Variants in SNRNP48 observed in about 807,000 individuals in gnomAD.
The protein encoded by SNRNP48 is U11/U12 small nuclear ribonucleoprotein 48 kDa protein.
In SNRNP48, 43 loss-of-function variants were observed where a neutral mutation model predicts 47.0. The ratio of observed to expected loss-of-function variants is 0.92; its 90% CI spans 0.72 to 1.18. The LOEUF is 1.18. Among genes scored for constraint, SNRNP48 ranks in the 50% most tolerant of loss-of-function variants. SNRNP48 has a pLI of 0.00. For missense variants in SNRNP48, 396 were observed against 422.2 expected, an observed-to-expected ratio of 0.94 and a Z score of 0.54; for synonymous variants, 138 against 144.0, an observed-to-expected ratio of 0.96 and a Z score of 0.30.
rs753897259 is a variant in SNRNP48 at position 7,599,675 on chromosome 6, A to G, written c.407-1661A>G. 1.1e-5 allele frequency: 14 copies of G among 1,282,400 alleles called. No individual in the cohort carries two copies. In the South Asian group the frequency reaches 1.8e-4, roughly 16 times the overall value. The allele number at this position is 1,282,400 out of a possible 1,614,324, so 79.4% of individuals were successfully genotyped here. A position where few individuals can be genotyped will look rare whatever the true frequency, so the allele number is the denominator to read the frequency against. On this transcript the variant is annotated intron_variant, in intron 4 of 8. Transcript: ENST00000342415. ...TTCCTGTACTTTTTCTTTTTCAGTAATTGGGGTGAGTATAAAGAGGAATTA... is the reference window on the plus strand; with the variant it reads ...TTCCTGTACTTTTTCTTTTTCAGTAGTTGGGGTGAGTATAAAGAGGAATTA...
chr6:7,599,759 C>A (rs1379592191), intron 4 of SNRNP48: 1 of 1,271,140 alleles, frequency 7.9e-7, no homozygotes, highest in Non-Finnish European at 1.0e-6. Context: ...AAATGATATC[C>A]TTTTAAAAGT....
intron 4 of SNRNP48, among the ~76,000 whole-genome samples, chr6:7,598,659 T>A (rs1759953829): frequency 6.6e-6 from 1 of 152,228 alleles, no homozygotes; most frequent in African/African-American, 2.4e-5. Flanking sequence ...TAAGGGAGAA[T>A]GACTAACATG....
chr6:7,599,567 AGTT>A lies in SNRNP48; in HGVS notation c.407-1768_407-1766del. ...AAAATTTACATTTTATGTAAATGTA[AGTT>A]TATTTAAGTATGTTTATCCTTTTTG... On this transcript the variant is annotated intron_variant, in intron 4 of 8. Coordinates refer to ENST00000342415, the MANE Select transcript of SNRNP48 (RefSeq NM_152551.4). The A allele has an allele frequency of 5.3e-6, 3 of 571,188 alleles. No homozygotes were observed. In the South Asian group the frequency reaches 6.9e-5, roughly 13 times the overall value. The allele number at this position is 571,188 out of a possible 1,614,324, so 35.4% of individuals were successfully genotyped here.
chr6:7,595,587 C>A (rs1438544009), intron 4 of SNRNP48, among the ~76,000 whole-genome samples: 7 of 152,144 alleles, frequency 4.6e-5, no homozygotes, highest in Admixed American at 6.5e-5. Context: ...GATGTAACCC[C>A]ATGTAAGTCA....
At chr6:7,596,221 G>C (rs1354675450) in intron 4 of SNRNP48, among the ~76,000 whole-genome samples, 1 of 151,714 alleles carries the variant, frequency 6.6e-6, no homozygotes, top group Non-Finnish European at 1.5e-5. Flanking sequence ...AGCCAAGATT[G>C]CACCATTGCA....
chr6:7,606,223 T>C (rs1023136050), intron 8 of SNRNP48, 28 bp downstream of exon 8: 1 of 1,570,814 alleles, frequency 6.4e-7, no homozygotes, highest in Non-Finnish European at 8.6e-7. Flanking sequence ...TCATCCAACG[T>C]TGAATTCTGT....
rs1396113771 is a variant in SNRNP48, at chr6:7,596,137, C to A, written c.406+1036C>A. 3.9e-5 allele frequency among the ~76,000 whole-genome samples: 6 copies of A among 151,982 alleles called. No individual in the cohort carries two copies. In the East Asian group the frequency reaches 9.7e-4, roughly 25 times the overall value. ...AAAATTAGCCGGGCATGGTGGCAAG[C>A]ACCTGTAATCCCAGCTACTCAGGAG... On this transcript the variant is annotated intron_variant, in intron 4 of 8. Transcript: ENST00000342415.
chr6:7,606,992 T>C (rs1424685788), intron 8 of SNRNP48, among the ~76,000 whole-genome samples: 4 of 152,242 alleles, frequency 2.6e-5, no homozygotes, highest in Non-Finnish European at 5.9e-5. Context: ...CATTCCCTTG[T>C]ATACTGCTAG....
chr6:7,606,925 A>C (rs1223567951), intron 8 of SNRNP48, among the ~76,000 whole-genome samples: 1 of 152,220 alleles, frequency 6.6e-6, no homozygotes, highest in Non-Finnish European at 1.5e-5. Context: ...TTCCTAATGA[A>C]ATGATGGTCA....
At position 7,611,169 on chromosome 6, in the gene SNRNP48, G is replaced by A. The variant is rs1760227346; in HGVS notation, c.*2296G>A. On this transcript the variant is annotated 3_prime_UTR_variant, in exon 9 of 9. Coordinates refer to ENST00000342415, the MANE Select transcript of SNRNP48 (RefSeq NM_152551.4). ...TCTTGCCCTGGCCTCCCATGTAGCT[G>A]CAACTATAGGTGTGTGCCACTACAC... The A allele has an allele frequency of 1.3e-5, 2 of 152,246 alleles. No individual in the cohort carries two copies. The highest frequency in any genetic ancestry group is 6.5e-5 in the Admixed American group (1 of 15,278). The allele number at this position is 152,246 out of a possible 1,614,324, so 9.4% of individuals were successfully genotyped here.
At chr6:7,595,907 G>A (rs1365455742) in intron 4 of SNRNP48, among the ~76,000 whole-genome samples, 2 of 152,224 alleles carry the variant, frequency 1.3e-5, no homozygotes, top group Non-Finnish European at 2.9e-5. Context: ...CCTCAGCAGA[G>A]AGTAGGTTAG....
At chr6:7,605,566 C>A in intron 7 of SNRNP48, 80 bp downstream of exon 7, 2 of 1,356,560 alleles carry the variant, frequency 1.5e-6, no homozygotes, top group Non-Finnish European at 2.1e-6. Context: ...TAAATTTTAG[C>A]ATTTCCAAAA....
Position 7,594,163 on chromosome 6 carries a change from A to AGT in SNRNP48, c.331+5_331+6dup, listed in dbSNP as rs1324078503. 1 of 1,286,698 alleles carries AGT rather than the reference A, an allele frequency of 7.8e-7. No homozygotes were observed. The highest frequency in any genetic ancestry group is 2.6e-5 in the East Asian group (1 of 38,644). The allele number at this position is 1,286,698 out of a possible 1,614,324, so 79.7% of individuals were successfully genotyped here. ...AAGATACCTTCGATTACTTTGAGTA[A>AGT]GTATTAAGTTATTATAATTTAAAAA... On this transcript the variant is annotated splice_donor_region_variant and intron_variant, in intron 3 of 8. Transcript: ENST00000342415.
chr6:7,599,589 CT>C, intron 4 of SNRNP48: 2 of 789,476 alleles, frequency 2.5e-6, no homozygotes, highest in Admixed American at 3.6e-5. Context: ...TATGTTTATC[CT>C]TTTTGTTGTC....
chr6:7,598,150 AG>A (rs1211998462), intron 4 of SNRNP48, among the ~76,000 whole-genome samples: 1 of 147,624 alleles, frequency 6.8e-6, no homozygotes, highest in African/African-American at 2.5e-5. Flanking sequence ...TACAGGCGGG[AG>A]CCACCGCGCC....
At position 7,597,101 on chromosome 6, in the gene SNRNP48, C is replaced by A. The variant is rs111315749; in HGVS notation, c.406+2000C>A. ...TATGAATTACATTTCTCTTTCACAA[C>A]AAACTTGTGATAAGTTGAACGATAT... On this transcript the variant is annotated intron_variant, in intron 4 of 8. Coordinates refer to ENST00000342415, the MANE Select transcript of SNRNP48 (RefSeq NM_152551.4). Among the ~76,000 whole-genome samples the A allele has an allele frequency of 7.2e-3, 1,096 of 152,198 alleles. 16 individuals are homozygous for A. Among genetic ancestry groups the A allele is most frequent in the African/African-American group, 0.025 (1,020 of 41,528 alleles).
At chr6:7,601,166 G>A in intron 4 of SNRNP48, 170 bp from the exon 5 acceptor site, 1 of 505,990 alleles carries the variant, frequency 2.0e-6, no homozygotes, top group Non-Finnish European at 3.4e-6. Context: ...ATTCAGGATA[G>A]AATTGTTTGT....
intron 4 of SNRNP48, among the ~76,000 whole-genome samples, chr6:7,596,722 G>T (rs189742213): frequency 3.3e-5 from 5 of 152,296 alleles, no homozygotes; most frequent in Admixed American, 6.5e-5. Flanking sequence ...GAGGGAGACA[G>T]TTGACTCTCA....
At chr6:7,602,575 T>C (rs777363202) in intron 5 of SNRNP48, 48 bp from the exon 6 acceptor site, 1 of 1,391,326 alleles carries the variant, frequency 7.2e-7, no homozygotes, top group Non-Finnish European at 9.7e-7. Flanking sequence ...ATTCATAGAA[T>C]TTAAAAGCTT....
Sources: allele counts gnomAD v4.1 joint callset (sites outside exome capture counted in the v4.1 genomes callset), GRCh38; gene constraint gnomAD v4.1.1; transcripts MANE v1.5; gene names NCBI Gene and HGNC (gene_info 2026-07-23, HGNC 2026-07-21).